The following BICRA variants were observed in gnomAD, a reference collection of about 807,000 sequenced individuals.
BICRA encodes BRD4-interacting chromatin-remodeling complex-associated protein.
BICRA carries 31 observed loss-of-function variants against 96.9 expected under a neutral mutation model. That is an observed-to-expected ratio of 0.32 (90% CI 0.24 to 0.43). The LOEUF (loss-of-function observed/expected upper bound fraction) is 0.43, where lower values mean the gene tolerates loss of function less well. Ranked by LOEUF, BICRA falls within the 20% of genes least tolerant of loss-of-function variation. The pLI is 1.00. For missense variants in BICRA, 2,283 were observed against 2,190.3 expected (o/e 1.04, Z -0.84); for synonymous variants, 1,350 against 1,071.8 (o/e 1.26, Z -5.07).
chr19:47,612,292 G>A (rs2123500978), intron 1 of BICRA, among the ~76,000 whole-genome samples: 1 of 151,996 alleles, frequency 6.6e-6, no homozygotes, highest in East Asian at 1.9e-4. Flanking sequence ...GCACTCACCT[G>A]TGGTCCTAGC....
intron 1 of BICRA, chr19:47,615,663 G>C (rs1971974230): frequency 6.6e-6 from 1 of 152,158 alleles, no homozygotes; most frequent in East Asian, 1.9e-4. Flanking sequence ...AGGTAGCCTT[G>C]TCAGTCAGTG....
intron 1 of BICRA, among the ~76,000 whole-genome samples, chr19:47,624,251 T>C (rs1259752015): frequency 6.6e-6 from 1 of 151,962 alleles, no homozygotes; most frequent in Non-Finnish European, 1.5e-5. Flanking sequence ...ATCTTGCCTT[T>C]CACTCACCAA....
At chr19:47,618,826 A>G (rs1972020375) in intron 1 of BICRA, among the ~76,000 whole-genome samples, 1 of 152,260 alleles carries the variant, frequency 6.6e-6, no homozygotes, top group Non-Finnish European at 1.5e-5. Flanking sequence ...GCCTGGAGGC[A>G]GAGGATGGCC....
At position 47,702,323 on chromosome 19, in the gene BICRA, A is replaced by AC; in HGVS notation, c.4596dup (p.Ala1533ArgfsTer69). Reference sequence around the variant, plus strand: ...GTACCCCCACGCTGCCTCGGCCGGCACCCCCGCATCCCCGCCGCCCCTGCA... The same window carrying AC: ...GTACCCCCACGCTGCCTCGGCCGGCACCCCCCGCATCCCCGCCGCCCCTGCA... On this transcript the variant is annotated frameshift_variant, in exon 15 of 15. Coordinates refer to ENST00000594866, the MANE Select transcript of BICRA (RefSeq NM_001394372.1). LOFTEE classifies it high-confidence loss of function. The AC allele has an allele frequency of 6.4e-7, 1 of 1,552,178 alleles. No individual in the cohort carries two copies.
chr19:47,670,400 G>T (rs1184461957), intron 1 of BICRA, 43 bp from the exon 2 acceptor site: 1 of 151,726 alleles, frequency 6.6e-6, no homozygotes, highest in East Asian at 1.9e-4. Context: ...TTTCCTTTTC[G>T]CTGACTTTCT....
intron 1 of BICRA, chr19:47,662,868 C>G (rs1350931196): frequency 6.6e-6 from 1 of 152,186 alleles, no homozygotes; most frequent in Non-Finnish European, 1.5e-5. Context: ...GATCCCCTTT[C>G]CACCAGCCCT....
chr19:47,616,353 A>G (rs1971984217), intron 1 of BICRA, among the ~76,000 whole-genome samples: 1 of 152,204 alleles, frequency 6.6e-6, no homozygotes, highest in Admixed American at 6.5e-5. Flanking sequence ...TGGAAGGCAC[A>G]GGGCTGGCAT....
Position 47,703,024 on chromosome 19 carries a change from C to T in BICRA, c.*609C>T, listed in dbSNP as rs1359542837. On this transcript the variant is annotated 3_prime_UTR_variant, in exon 15 of 15. Transcript: ENST00000594866. ...AGTGAGAGATTTCGAACGCCCACCCCTCGACTTTGAAATCTGAGCAAAACA... is the reference window on the plus strand; with the variant it reads ...AGTGAGAGATTTCGAACGCCCACCCTTCGACTTTGAAATCTGAGCAAAACA... 1 of 152,782 alleles carries T rather than the reference C, an allele frequency of 6.5e-6. No individual in the cohort carries two copies. Among genetic ancestry groups the T allele is most frequent in the African/African-American group, 2.4e-5 (1 of 41,452 alleles). 9.5% of individuals were successfully genotyped at this position (152,782 alleles called of 1,614,324 possible).
At chr19:47,688,869 C>T (rs990082512) in intron 7 of BICRA, among the ~76,000 whole-genome samples, 6 of 151,306 alleles carry the variant, frequency 4.0e-5, no homozygotes, top group Non-Finnish European at 5.9e-5. Flanking sequence ...CTCTCTCGCC[C>T]GGGCTGGAGT....
At chr19:47,615,623 T>G (rs1264338618) in intron 1 of BICRA, 1 of 152,206 alleles carries the variant, frequency 6.6e-6, no homozygotes, top group African/African-American at 2.4e-5. Context: ...AAGGCTCTTG[T>G]GAGGGTCCCC....
rs1971897476 is a variant in BICRA at position 47,610,963 on chromosome 19, C to T, written c.-108+1795C>T. 4.6e-5 allele frequency among the ~76,000 whole-genome samples: 7 copies of T among 152,174 alleles called. No individual in the cohort carries two copies. In the South Asian group the frequency reaches 1.4e-3, roughly 32 times the overall value. ...TGGAAATATTAATAACAATATCAAA[C>T]TAGGGAGCTTTATTCCGCTGCTGCT... On this transcript the variant is annotated intron_variant, in intron 1 of 14. Transcript: ENST00000594866.
intron 1 of BICRA, among the ~76,000 whole-genome samples, chr19:47,610,482 T>TCAGAG (rs2123499011): frequency 6.6e-6 from 1 of 152,060 alleles, no homozygotes; most frequent in African/African-American, 2.4e-5. Context: ...GGAGGTGGGG[T>TCAGAG]CAGAGGCCGC....
At chr19:47,614,944 T>A (rs1971961511) in intron 1 of BICRA, among the ~76,000 whole-genome samples, 1 of 152,210 alleles carries the variant, frequency 6.6e-6, no homozygotes. Flanking sequence ...ATTTGTCTTT[T>A]GGTAGCTCTT....
chr19:47,613,102 C>A (rs1971933557), intron 1 of BICRA, among the ~76,000 whole-genome samples: 1 of 152,092 alleles, frequency 6.6e-6, no homozygotes, highest in African/African-American at 2.4e-5. Context: ...ACTTCCTTCT[C>A]AGAGGCCTGT....
chr19:47,643,973 A>C (rs1032981049), intron 1 of BICRA, among the ~76,000 whole-genome samples: 5 of 152,196 alleles, frequency 3.3e-5, no homozygotes, highest in African/African-American at 1.2e-4. Flanking sequence ...CAGGAGGCAC[A>C]GAGCATGATA....
intron 1 of BICRA, among the ~76,000 whole-genome samples, chr19:47,667,138 C>A (rs1038254345): frequency 2.0e-5 from 3 of 152,058 alleles, no homozygotes; most frequent in Non-Finnish European, 4.4e-5. Context: ...CCTGCCTCAG[C>A]CTCCCGAGTC....
rs1973445954 is a variant in BICRA at position 47,701,548 on chromosome 19, C to T, written c.3816C>T (p.Ser1272=). The part of the protein sequence containing the change: ...ARASSSLSSS[S]SSSSAASSLD... Reference sequence around the variant, plus strand: ...CGTCCTCCTCCCTGTCCTCCTCTTCCTCCTCCTCCTCTGCCGCCTCCTCCT... The same window carrying T: ...CGTCCTCCTCCCTGTCCTCCTCTTCTTCCTCCTCCTCTGCCGCCTCCTCCT... Residue 1272 remains serine, a synonymous_variant, in exon 15 of 15, where the codon TCC becomes TCT. Coordinates refer to ENST00000594866, the MANE Select transcript of BICRA (RefSeq NM_001394372.1). This position sits in a 1 kb window ranked among gnomAD's most constrained non-coding sequence, Gnocchi z 5.4. 1 of 1,531,226 alleles carries T rather than the reference C, an allele frequency of 6.5e-7. No individual in the cohort carries two copies. The highest frequency in any genetic ancestry group is 8.8e-7 in the Non-Finnish European group (1 of 1,131,164). The allele number at this position is 1,531,226 out of a possible 1,614,324, so 94.9% of individuals were successfully genotyped here. A position where few individuals can be genotyped will look rare whatever the true frequency, so the allele number is the denominator to read the frequency against.
At chr19:47,633,334 C>T (rs1281202236) in intron 1 of BICRA, among the ~76,000 whole-genome samples, 2 of 152,042 alleles carry the variant, frequency 1.3e-5, no homozygotes, top group Non-Finnish European at 2.9e-5. Context: ...CCTGCCTTGG[C>T]CTCCCAAAGT....
intron 1 of BICRA, among the ~76,000 whole-genome samples, chr19:47,621,560 GC>G (rs1199147802): frequency 4.5e-5 from 6 of 132,308 alleles, no homozygotes; most frequent in Non-Finnish European, 9.6e-5. Flanking sequence ...TGCAACCTCC[GC>G]CTCCCAGGTT....
Sources: gnomAD v4.1 joint callset for allele counts (sites outside exome capture counted in the v4.1 genomes callset) on GRCh38, gnomAD v4.1.1 for gene constraint, Gnocchi (gnomAD v3.1) non-coding constraint, MANE v1.5 for transcripts, NCBI Gene and HGNC (gene_info 2026-07-23, HGNC 2026-07-21) for gene names.